Variants in KCNH7 observed in about 807,000 individuals in gnomAD.
KCNH7 encodes the protein potassium voltage-gated channel subfamily H member 7, also known as voltage-gated inwardly rectifying potassium channel KCNH7.
KCNH7 carries 49 observed loss-of-function variants against 120.8 expected under a neutral mutation model. The ratio of observed to expected loss-of-function variants is 0.41; its 90% CI spans 0.32 to 0.51. The LOEUF (loss-of-function observed/expected upper bound fraction) is 0.51. Ranked by LOEUF, KCNH7 falls within the 20% of genes least tolerant of loss-of-function variation. The pLI is 0.38. For missense variants in KCNH7, 1,097 were observed against 1,446.6 expected, an observed-to-expected ratio of 0.76 and a Z score of 3.92; for synonymous variants, 547 against 516.1, an observed-to-expected ratio of 1.06 and a Z score of -0.81.
intron 2 of KCNH7, among the ~76,000 whole-genome samples, chr2:162,728,258 T>C (rs1687599045): frequency 6.6e-6 from 1 of 152,138 alleles, no homozygotes; most frequent in African/African-American, 2.4e-5. Context: ...ACTAATGATC[T>C]TGATAAATTT....
At position 162,496,141 on chromosome 2, in the gene KCNH7, C is replaced by T. The variant is rs1421708464; in HGVS notation, c.1128+8302G>A. 2.6e-5 allele frequency among the ~76,000 whole-genome samples: 4 copies of T among 152,168 alleles called. No individual in the cohort carries two copies. The East Asian group carries it at 7.7e-4, about 29-fold the overall frequency. On this transcript the variant is annotated intron_variant, in intron 6 of 15. Coordinates refer to ENST00000332142, the MANE Select transcript of KCNH7 (RefSeq NM_033272.4). ...ACCTCAGGAGGAGCCCTAACTGCCA[C>T]TTTCCCAAAACAGAACTCCCTGTCA...
chr2:162,534,959 T>A (rs184126375), intron 3 of KCNH7, among the ~76,000 whole-genome samples: 96 of 151,904 alleles, frequency 6.3e-4, no homozygotes, highest in African/African-American at 2.2e-3. Flanking sequence ...TATTAATAAC[T>A]TCATTTATAA....
At chr2:162,535,854 A>G (rs889333225) in intron 3 of KCNH7, among the ~76,000 whole-genome samples, 1 of 151,882 alleles carries the variant, frequency 6.6e-6, no homozygotes, top group Admixed American at 6.6e-5. Flanking sequence ...ATCCAGGAAT[A>G]GATTCAAGCA....
chr2:162,755,167 C>G (rs1397413719), intron 2 of KCNH7, among the ~76,000 whole-genome samples: 2 of 151,876 alleles, frequency 1.3e-5, no homozygotes, highest in Non-Finnish European at 2.9e-5. Flanking sequence ...AAAACATGTA[C>G]TTATTACATA....
At chr2:162,541,023 C>T (rs1327990306) in intron 2 of KCNH7, among the ~76,000 whole-genome samples, 1 of 152,010 alleles carries the variant, frequency 6.6e-6, no homozygotes, top group Non-Finnish European at 1.5e-5. Flanking sequence ...TCCAAGTTGA[C>T]AACAAATTTG....
chr2:162,810,867 CG>C (rs1684710915), intron 2 of KCNH7, among the ~76,000 whole-genome samples: 1 of 151,856 alleles, frequency 6.6e-6, no homozygotes, highest in Non-Finnish European at 1.5e-5. Context: ...ACCTTCTTTT[CG>C]TAAATTAAAT....
At chr2:162,456,519 C>A (rs539904251) in intron 6 of KCNH7, among the ~76,000 whole-genome samples, 12 of 152,014 alleles carry the variant, frequency 7.9e-5, no homozygotes, top group African/African-American at 2.4e-4. Flanking sequence ...ACATCTATTA[C>A]GTCCACTTGA....
chr2:162,607,158 C>T (rs1470136831), intron 2 of KCNH7, among the ~76,000 whole-genome samples: 1 of 148,650 alleles, frequency 6.7e-6, no homozygotes, highest in Non-Finnish European at 1.5e-5. Flanking sequence ...GGGCAGATCA[C>T]GAGGTCAGGA....
chr2:162,616,978 G>A (rs1329731000), intron 2 of KCNH7, among the ~76,000 whole-genome samples: 6 of 151,866 alleles, frequency 4.0e-5, no homozygotes, highest in Non-Finnish European at 5.9e-5. Flanking sequence ...TCTCTCTCAG[G>A]CTCTGCATAC....
chr2:162,833,376 G>T (rs1184816780), intron 2 of KCNH7, among the ~76,000 whole-genome samples: 1 of 151,700 alleles, frequency 6.6e-6, no homozygotes, highest in African/African-American at 2.4e-5. Context: ...AATCTTTGTT[G>T]CTGAAAAGTG....
chr2:162,770,707 C>A (rs1017458303), intron 2 of KCNH7, among the ~76,000 whole-genome samples: 1 of 151,152 alleles, frequency 6.6e-6, no homozygotes, highest in Non-Finnish European at 1.5e-5. Context: ...TTCACCTTTT[C>A]TCTTCCTCTT....
At chr2:162,628,664 G>C (rs952264921) in intron 2 of KCNH7, among the ~76,000 whole-genome samples, 3 of 151,838 alleles carry the variant, frequency 2.0e-5, no homozygotes, top group Non-Finnish European at 2.9e-5. Context: ...TCATCATTTA[G>C]CTCCCACTTA....
chr2:162,511,109 G>A (rs561486142), intron 5 of KCNH7, among the ~76,000 whole-genome samples: 2 of 151,526 alleles, frequency 1.3e-5, no homozygotes, highest in African/African-American at 4.8e-5. Flanking sequence ...AAGAATATCC[G>A]TGTTCAAAGA....
At chr2:162,405,248 C>T (rs959548444) in intron 9 of KCNH7, among the ~76,000 whole-genome samples, 2 of 151,894 alleles carry the variant, frequency 1.3e-5, no homozygotes, top group South Asian at 4.1e-4. Flanking sequence ...AAAGTTACTT[C>T]GTGACTTACA....
chr2:162,510,786 GTACCTAATTAGCAA>G (rs1052921610), intron 5 of KCNH7, among the ~76,000 whole-genome samples: 1 of 151,674 alleles, frequency 6.6e-6, no homozygotes, highest in African/African-American at 2.4e-5. Flanking sequence ...GGGGGTTCCT[GTACCTAATTAGCAA>G]TGTTAATGGC....
intron 2 of KCNH7, among the ~76,000 whole-genome samples, chr2:162,544,840 T>A (rs1386782685): frequency 6.6e-6 from 1 of 152,146 alleles, no homozygotes; most frequent in Non-Finnish European, 1.5e-5. Flanking sequence ...CTACATTGGC[T>A]CATGACCGTT....
rs1304425369 is a variant in KCNH7, at chr2:162,384,800, T to C, written c.2850A>G (p.Ser950=). 1 of 1,612,784 alleles carries C rather than the reference T, an allele frequency of 6.2e-7. No homozygotes were observed. The highest frequency in any genetic ancestry group is 1.3e-5 in the African/African-American group (1 of 74,842). The change falls in exon 13 of 16, where the codon TCA becomes TCG. Residue 950 remains serine (S), a synonymous_variant. Coordinates refer to ENST00000332142, the MANE Select transcript of KCNH7 (RefSeq NM_033272.4). ...TTCCTGGAGAAGAGTCTACTATTCC[T>C]GAGAAGAGCGGCTTTTGTTCATCAT... ...SIDDEQKPLF[S]GIVDSSPGIG...
At chr2:162,528,929 G>C (rs1324491898) in intron 3 of KCNH7, among the ~76,000 whole-genome samples, 1 of 151,848 alleles carries the variant, frequency 6.6e-6, no homozygotes, top group African/African-American at 2.4e-5. Flanking sequence ...TTAGAGAGAA[G>C]GAGAAGTTTA....
intron 7 of KCNH7, among the ~76,000 whole-genome samples, chr2:162,444,089 A>G (rs1264002876): frequency 6.6e-6 from 1 of 152,080 alleles, no homozygotes; most frequent in Non-Finnish European, 1.5e-5. Context: ...GTCATTCTCT[A>G]TCACATCCAC....
Sources: allele counts gnomAD v4.1 joint callset (sites outside exome capture counted in the v4.1 genomes callset), GRCh38; gene constraint gnomAD v4.1.1; transcripts MANE v1.5; gene names NCBI Gene and HGNC (gene_info 2026-07-23, HGNC 2026-07-21).